UGT2B7: variants seen among roughly 807,000 people sequenced by gnomAD.
UGT2B7 encodes UDP-glucuronosyltransferase 2B7.
A neutral mutation model predicts 51.9 loss-of-function variants in UGT2B7; 51 were observed. The ratio of observed to expected loss-of-function variants is 0.98; its 90% CI spans 0.78 to 1.24. The LOEUF is 1.24. UGT2B7 is among the 50% of genes most tolerant of loss of function. The probability of loss-of-function intolerance (pLI) is 0.00; values close to 1 mark genes in which losing one functional copy is unlikely to be tolerated. For missense variants in UGT2B7, 727 were observed against 628.4 expected (o/e 1.16, Z -1.68); for synonymous variants, 225 against 211.6 (o/e 1.06, Z -0.55).
intron 1 of UGT2B7, among the ~76,000 whole-genome samples, chr4:69,073,266 C>T (rs1718638141): frequency 6.6e-6 from 1 of 152,110 alleles, no homozygotes; most frequent in South Asian, 2.1e-4. Flanking sequence ...TTAACTTTCA[C>T]CAATTCAAAG....
chr4:69,077,967 T>C (rs577517492), intron 1 of UGT2B7, among the ~76,000 whole-genome samples: 1 of 152,282 alleles, frequency 6.6e-6, no homozygotes, highest in South Asian at 2.1e-4. Context: ...ATACCTAGCT[T>C]ATTGAGAGTT....
chr4:69,084,716 T>C (rs1051088021), intron 1 of UGT2B7, among the ~76,000 whole-genome samples: 1 of 152,072 alleles, frequency 6.6e-6, no homozygotes, highest in African/African-American at 2.4e-5. Context: ...AAACATGAAG[T>C]GTTTGGTTTT....
At chr4:69,103,238 T>C (rs1719484314) in intron 3 of UGT2B7, among the ~76,000 whole-genome samples, 1 of 152,122 alleles carries the variant, frequency 6.6e-6, no homozygotes, top group Non-Finnish European at 1.5e-5. Flanking sequence ...TTGAATTGTG[T>C]ATGTGATCTA....
At chr4:69,068,783 C>T (rs1434540151) in intron 1 of UGT2B7, among the ~76,000 whole-genome samples, 3 of 152,040 alleles carry the variant, frequency 2.0e-5, no homozygotes, top group Non-Finnish European at 2.9e-5. Context: ...TACTTTAGCA[C>T]TTTTTGGTTT....
intron 1 of UGT2B7, among the ~76,000 whole-genome samples, chr4:69,065,599 C>T (rs1346298408): frequency 6.6e-6 from 1 of 152,070 alleles, no homozygotes; most frequent in Non-Finnish European, 1.5e-5. Context: ...GGAAGAAGCA[C>T]TTAATAATTT....
intron 5 of UGT2B7, among the ~76,000 whole-genome samples, chr4:69,109,409 A>T (rs1719709238): frequency 6.6e-6 from 1 of 152,106 alleles, no homozygotes; most frequent in Non-Finnish European, 1.5e-5. Flanking sequence ...TTATTCCCTG[A>T]CTTTTTGTTA....
At position 69,112,735 on chromosome 4, in the gene UGT2B7, A is replaced by T. The variant is rs1377343250; in HGVS notation, c.1589A>T (p.Ter530LeuextTer13). The change falls in exon 6 of 6, where the codon TAG (stop) becomes TTG (leucine). Residue 530 changes from the stop codon to leucine, a stop_lost. Transcript: ENST00000305231. Reference protein sequence around the residue: ...ARKAKKGKND* With the variant: ...ARKAKKGKNDL ...AAAGCAAAGAAGGGAAAAAATGATTAGTTATATCTGAGATTTGAAGCTGGA... is the reference window on the plus strand; with the variant it reads ...AAAGCAAAGAAGGGAAAAAATGATTTGTTATATCTGAGATTTGAAGCTGGA... 2.5e-6 allele frequency: 4 copies of T among 1,613,426 alleles called. No individual in the cohort carries two copies. Among genetic ancestry groups the T allele is most frequent in the Non-Finnish European group, 2.5e-6 (3 of 1,179,742 alleles).
At chr4:69,064,102 GAA>G (rs1560499776) in intron 1 of UGT2B7, among the ~76,000 whole-genome samples, 41 of 114,362 alleles carry the variant, frequency 3.6e-4, no homozygotes, top group South Asian at 1.9e-3. Flanking sequence ...GAAAGAGAAA[GAA>G]AGAAAGAAAA....
In UGT2B7 at chr4:69,064,098, GAAAGAAAGAAAGAAAA is replaced by G. The variant is rs1718430857; in HGVS notation, c.-159+12498_-159+12513del. 1.7e-4 allele frequency among the ~76,000 whole-genome samples: 15 copies of G among 90,126 alleles called. 1 individual carries two copies. The highest frequency in any genetic ancestry group is 7.0e-4 in the African/African-American group (14 of 20,008). The allele number at this position is 90,126 out of a possible 152,430, so 59.1% of individuals were successfully genotyped here. ...AAAGAAAGAAAGAAAGAAAGAAAGA[GAAAGAAAGAAAGAAAA>G]AGAAAGAAAGAAAGAAAGAAAGAAA... On this transcript the variant is annotated intron_variant, in intron 1 of 5. Coordinates refer to the UGT2B7 transcript ENST00000502942.
intron 1 of UGT2B7, among the ~76,000 whole-genome samples, chr4:69,080,651 A>C (rs1160534497): frequency 6.6e-6 from 1 of 152,128 alleles, no homozygotes; most frequent in Non-Finnish European, 1.5e-5. Context: ...GGTTTTAAAT[A>C]GTATTCCTTT....
At chr4:69,061,744 GT>G (rs1718352473) in intron 1 of UGT2B7, among the ~76,000 whole-genome samples, 1 of 152,122 alleles carries the variant, frequency 6.6e-6, no homozygotes, top group South Asian at 2.1e-4. Flanking sequence ...TGTAAACAGC[GT>G]TTAACTTGTG....
intron 1 of UGT2B7, among the ~76,000 whole-genome samples, chr4:69,097,779 T>C (rs1173963321): frequency 2.0e-4 from 31 of 152,088 alleles, no homozygotes; most frequent in Admixed American, 1.5e-3. Flanking sequence ...TTGAAGTTTC[T>C]AATGTTTCTA....
At chr4:69,064,769 GTC>G (rs1718452445) in intron 1 of UGT2B7, among the ~76,000 whole-genome samples, 2 of 152,042 alleles carry the variant, frequency 1.3e-5, no homozygotes, top group African/African-American at 4.8e-5. Flanking sequence ...ACACCCCAAG[GTC>G]TCTCTCTGGT....
At chr4:69,055,464 G>C (rs749403258) in intron 1 of UGT2B7, among the ~76,000 whole-genome samples, 2 of 151,660 alleles carry the variant, frequency 1.3e-5, no homozygotes, top group Non-Finnish European at 2.9e-5. Flanking sequence ...TGTAACATTA[G>C]ACATTAACAG....
intron 1 of UGT2B7, among the ~76,000 whole-genome samples, chr4:69,063,530 G>T (rs2109864296): frequency 6.6e-6 from 1 of 152,102 alleles, no homozygotes; most frequent in Middle Eastern, 3.4e-3. Context: ...CAGAAATAAG[G>T]ATCACCATCT....
intron 1 of UGT2B7, among the ~76,000 whole-genome samples, chr4:69,064,079 A>AGAAAGAAG (rs1560499693): frequency 9.3e-6 from 1 of 107,978 alleles, no homozygotes; most frequent in Non-Finnish European, 1.7e-5. Flanking sequence ...AAAGAAAGAA[A>AGAAAGAAG]GAAAGAAAGA....
At chr4:69,075,239 C>T (rs1014661701) in intron 1 of UGT2B7, among the ~76,000 whole-genome samples, 2 of 152,088 alleles carry the variant, frequency 1.3e-5, no homozygotes, top group Non-Finnish European at 2.9e-5. Flanking sequence ...GGTCCCTCCC[C>T]TTGAAATGTG....
At chr4:69,076,849 T>C (rs1422247225) in intron 1 of UGT2B7, among the ~76,000 whole-genome samples, 1 of 152,232 alleles carries the variant, frequency 6.6e-6, no homozygotes, top group Non-Finnish European at 1.5e-5. Flanking sequence ...AGTCATGAAG[T>C]CTTTGCCCAT....
intron 1 of UGT2B7, among the ~76,000 whole-genome samples, chr4:69,061,395 A>T (rs1718343542): frequency 6.6e-6 from 1 of 152,214 alleles, no homozygotes; most frequent in Non-Finnish European, 1.5e-5. Context: ...AGGCTAAAGG[A>T]AACAGAAAGG....
Sources: allele counts gnomAD v4.1 joint callset (sites outside exome capture counted in the v4.1 genomes callset), GRCh38; gene constraint gnomAD v4.1.1; transcripts MANE v1.5; gene names NCBI Gene and HGNC (gene_info 2026-07-23, HGNC 2026-07-21).